The following PARVA variants were observed in gnomAD, a reference collection of about 807,000 sequenced individuals.
The protein encoded by PARVA is alpha-parvin.
Under a neutral mutation model 52.6 loss-of-function variants are expected in PARVA, and 25 were observed. The ratio of observed to expected loss-of-function variants is 0.48; its 90% CI spans 0.35 to 0.66. The LOEUF is 0.66. Among genes scored for constraint, PARVA ranks in the 30% least tolerant of loss-of-function variants. The probability of loss-of-function intolerance (pLI) is 0.01; values close to 1 mark genes in which losing one functional copy is unlikely to be tolerated. For synonymous variants in PARVA, 185 were observed against 179.1 expected (o/e 1.03, Z -0.26); for missense variants, 373 against 450.9 (o/e 0.83, Z 1.56).
At chr11:12,493,171 C>T (rs527773690) in intron 4 of PARVA, among the ~76,000 whole-genome samples, 225 of 151,916 alleles carry the variant, frequency 1.5e-3, no homozygotes, top group Admixed American at 3.9e-3. Flanking sequence ...GCCTGACCAA[C>T]ATAATGAAAC....
At chr11:12,413,302 A>C (rs1940018331) in intron 1 of PARVA, among the ~76,000 whole-genome samples, 1 of 152,238 alleles carries the variant, frequency 6.6e-6, no homozygotes, top group African/African-American at 2.4e-5. Flanking sequence ...AACATGCCTC[A>C]AAAGGATATA....
At chr11:12,407,599 A>G (rs1378993324) in intron 1 of PARVA, among the ~76,000 whole-genome samples, 1 of 152,224 alleles carries the variant, frequency 6.6e-6, no homozygotes, top group East Asian at 1.9e-4. Flanking sequence ...TACATGTTAC[A>G]GTGTCCAATT....
intron 1 of PARVA, among the ~76,000 whole-genome samples, chr11:12,461,770 C>T (rs756521804): frequency 5.3e-5 from 8 of 152,146 alleles, no homozygotes; most frequent in Admixed American, 2.0e-4. Flanking sequence ...CAGACCAAAA[C>T]AAAGATGGGT....
intron 8 of PARVA, chr11:12,513,075 A>G (rs1256704100): frequency 1.5e-6 from 1 of 681,038 alleles, no homozygotes; most frequent in African/African-American, 1.8e-5. Flanking sequence ...CAATCCAATA[A>G]TGTACACATG....
At chr11:12,405,244 T>C (rs1488011483) in intron 1 of PARVA, among the ~76,000 whole-genome samples, 1 of 152,202 alleles carries the variant, frequency 6.6e-6, no homozygotes, top group Non-Finnish European at 1.5e-5. Flanking sequence ...TGTGAGATGG[T>C]AAAGAAGCAT....
At chr11:12,399,099 C>G in intron 1 of PARVA, among the ~76,000 whole-genome samples, 1 of 152,318 alleles carries the variant, frequency 6.6e-6, no homozygotes, top group Non-Finnish European at 1.5e-5. Flanking sequence ...CCAAGATTGT[C>G]GGTTCCAAAA....
chr11:12,399,342 T>C (rs774697985), intron 1 of PARVA, among the ~76,000 whole-genome samples: 3 of 152,236 alleles, frequency 2.0e-5, no homozygotes, highest in Non-Finnish European at 4.4e-5. Context: ...TTCTTTTTTA[T>C]TTCCAATCCT....
chr11:12,430,139 C>T (rs554400220), intron 1 of PARVA, among the ~76,000 whole-genome samples: 1 of 152,118 alleles, frequency 6.6e-6, no homozygotes, highest in Non-Finnish European at 1.5e-5. Flanking sequence ...TAAATACCCC[C>T]ACTAGGGCCA....
At chr11:12,431,202 C>G (rs1312818564) in intron 1 of PARVA, among the ~76,000 whole-genome samples, 1 of 152,246 alleles carries the variant, frequency 6.6e-6, no homozygotes, top group Non-Finnish European at 1.5e-5. Context: ...CTTGTCCCCA[C>G]TGGGGCCTGC....
At chr11:12,476,585 G>C (rs1000657754) in intron 3 of PARVA, among the ~76,000 whole-genome samples, 3 of 151,802 alleles carry the variant, frequency 2.0e-5, no homozygotes. Flanking sequence ...AGCCTGTTGG[G>C]GCCTCTTCTC....
At chr11:12,453,653 T>C (rs758631606) in intron 1 of PARVA, among the ~76,000 whole-genome samples, 1 of 152,178 alleles carries the variant, frequency 6.6e-6, no homozygotes, top group Non-Finnish European at 1.5e-5. Flanking sequence ...TTTGGCAAGA[T>C]TTTCCATTCG....
At chr11:12,446,102 G>A (rs1438711069) in intron 1 of PARVA, among the ~76,000 whole-genome samples, 1 of 151,754 alleles carries the variant, frequency 6.6e-6, no homozygotes, top group Non-Finnish European at 1.5e-5. Context: ...GGTGAAAAGA[G>A]AAGCAACAGA....
At chr11:12,454,740 G>A (rs1564851244) in intron 1 of PARVA, among the ~76,000 whole-genome samples, 3 of 152,066 alleles carry the variant, frequency 2.0e-5, no homozygotes, top group Non-Finnish European at 4.4e-5. Context: ...TGCCCCTGCT[G>A]GAAGATTATT....
intron 5 of PARVA, among the ~76,000 whole-genome samples, chr11:12,497,842 C>T (rs1301345379): frequency 6.6e-6 from 1 of 152,116 alleles, no homozygotes; most frequent in Non-Finnish European, 1.5e-5. Context: ...TTTTAAAAAT[C>T]CACAATAGTC....
At chr11:12,471,380 TTTTTTAAC>T (rs1159090242) in intron 1 of PARVA, among the ~76,000 whole-genome samples, 1 of 152,216 alleles carries the variant, frequency 6.6e-6, no homozygotes, top group Admixed American at 6.5e-5. Flanking sequence ...AAAAATTTTA[TTTTTTAAC>T]TTTAAGTTCA....
chr11:12,526,312 G>T (rs1941700798), intron 12 of PARVA, among the ~76,000 whole-genome samples: 1 of 152,144 alleles, frequency 6.6e-6, no homozygotes, highest in South Asian at 2.1e-4. Flanking sequence ...ATCCCTGTGG[G>T]TATTGACCAG....
At chr11:12,404,371 G>A (rs988164308) in intron 1 of PARVA, among the ~76,000 whole-genome samples, 2 of 152,120 alleles carry the variant, frequency 1.3e-5, no homozygotes, top group Non-Finnish European at 2.9e-5. Flanking sequence ...CCTTGGGGAT[G>A]CAAAGGAGAG....
chr11:12,379,707 T>G (rs1263943051), intron 1 of PARVA, among the ~76,000 whole-genome samples: 1 of 151,742 alleles, frequency 6.6e-6, no homozygotes, highest in Non-Finnish European at 1.5e-5. Flanking sequence ...TTATCAGACT[T>G]GATGAAGAAC....
chr11:12,411,981 G>GCCTTC (rs1183714296), intron 1 of PARVA, among the ~76,000 whole-genome samples: 1 of 152,166 alleles, frequency 6.6e-6, no homozygotes, highest in Non-Finnish European at 1.5e-5. Context: ...CCCCAGGAAT[G>GCCTTC]CCTTCCCTCC....
Sources: gnomAD v4.1 joint callset for allele counts (sites outside exome capture counted in the v4.1 genomes callset) on GRCh38, gnomAD v4.1.1 for gene constraint, MANE v1.5 for transcripts, NCBI Gene and HGNC (gene_info 2026-07-23, HGNC 2026-07-21) for gene names.